The following TCTN3 variants were observed in gnomAD, a reference collection of about 807,000 sequenced individuals.
TCTN3 encodes the protein tectonic-3.
Under a neutral mutation model 71.3 loss-of-function variants are expected in TCTN3, and 57 were observed. The observed-to-expected ratio is 0.80, with a 90% CI of 0.65 to 1.00. The LOEUF (loss-of-function observed/expected upper bound fraction) is 1.00. Ranked by LOEUF, TCTN3 falls within the 50% of genes least tolerant of loss-of-function variation. The pLI is 0.00. For missense variants in TCTN3, 696 were observed against 719.9 expected (o/e 0.97, Z 0.38); for synonymous variants, 258 against 267.8 (o/e 0.96, Z 0.36).
intron 13 of TCTN3, among the ~76,000 whole-genome samples, chr10:95,670,536 A>T (rs1018633599): frequency 2.0e-5 from 3 of 147,228 alleles, no homozygotes; most frequent in South Asian, 4.3e-4. Context: ...TTTTTTGTAT[A>T]TTTTTTTTTT....
chr10:95,692,167 T>A (rs530678640), intron 3 of TCTN3, among the ~76,000 whole-genome samples: 5 of 152,264 alleles, frequency 3.3e-5, no homozygotes, highest in Admixed American at 2.6e-4. Flanking sequence ...ATGATTGAAA[T>A]TAAAGTTCTT....
chr10:95,688,407 A>G (rs868722293), intron 3 of TCTN3, among the ~76,000 whole-genome samples: 12 of 149,040 alleles, frequency 8.1e-5, no homozygotes, highest in Middle Eastern at 3.6e-3. Flanking sequence ...GAAAAAAAAA[A>G]AAAAAAAAAA....
At position 95,693,879 on chromosome 10, in the gene TCTN3, C is replaced by T. The variant is rs61737888; in HGVS notation, c.21G>A (p.Ala7=). 5.5e-4 allele frequency: 855 copies of T among 1,551,700 alleles called. 7 individuals are homozygous for T. In the African/African-American group the frequency reaches 8.6e-3, roughly 16 times the overall value. The change falls in exon 1 of 14, where the codon GCG becomes GCA. Residue 7 remains alanine, a synonymous_variant. Coordinates refer to ENST00000371217, the MANE Select transcript of TCTN3 (RefSeq NM_015631.6). ...ACACCAGAAAGAACACTTGCAGGAGCGCGAGCTGTGGGGTGCGCATGGGGC... is the reference window on the plus strand; with the variant it reads ...ACACCAGAAAGAACACTTGCAGGAGTGCGAGCTGTGGGGTGCGCATGGGGC... MRTPQL[A]LLQVFFLVFP...
At position 95,684,511 on chromosome 10, in the gene TCTN3, G is replaced by A. The variant is rs1265965786; in HGVS notation, c.1083C>T (p.Ile361=). 3 of 1,613,998 alleles carry A rather than the reference G, an allele frequency of 1.9e-6. No homozygotes were observed. Among genetic ancestry groups the A allele is most frequent in the Non-Finnish European group, 2.5e-6 (3 of 1,179,922 alleles). The change falls in exon 9 of 14, where the codon ATC becomes ATT. Residue 361 remains isoleucine, a synonymous_variant. Transcript: ENST00000371217. ...EPGASLQQHF[I]LRFRAFQQST... ...GAAGGGCCCTAACCCTGAAGCGAAGGATGAAGTGTTGCTGTAAGGAAGCGC... is the reference window on the plus strand; with the variant it reads ...GAAGGGCCCTAACCCTGAAGCGAAGAATGAAGTGTTGCTGTAAGGAAGCGC...
At position 95,673,546 on chromosome 10, in the gene TCTN3, A is replaced by G. The variant is rs79899937; in HGVS notation, c.1590+6926T>C. ...TCAGCAGCACCAATTGTTAAAAAAA[A>G]AGAAACTTTTTTTTTTTCAGGGCAG... On this transcript the variant is annotated intron_variant, in intron 13 of 13. Coordinates refer to ENST00000371217, the MANE Select transcript of TCTN3 (RefSeq NM_015631.6). 3.3e-3 allele frequency among the ~76,000 whole-genome samples: 503 copies of G among 152,296 alleles called. 2 individuals are homozygous for G. The highest frequency in any genetic ancestry group is 0.011 in the African/African-American group (476 of 41,562).
In TCTN3 at chr10:95,675,443, T is replaced by TA. The variant is rs969231977; in HGVS notation, c.1590+5028dup. Among the ~76,000 whole-genome samples, 17 of 152,012 alleles carry TA rather than the reference T, an allele frequency of 1.1e-4. No individual in the cohort carries two copies. In the East Asian group the frequency reaches 1.4e-3, roughly 12 times the overall value. ...TTAAGCAAACTTTGAAAAGTTCTTT[T>TA]AAAAAAAAGGTAATAAAATAATTAA... On this transcript the variant is annotated intron_variant, in intron 13 of 13. Coordinates refer to ENST00000371217, the MANE Select transcript of TCTN3 (RefSeq NM_015631.6).
At chr10:95,666,760 G>A (rs187689422) in intron 13 of TCTN3, among the ~76,000 whole-genome samples, 23 of 152,288 alleles carry the variant, frequency 1.5e-4, no homozygotes. Context: ...TTATTTCAGA[G>A]CTTTTAGGAG....
chr10:95,682,980 TA>T, intron 11 of TCTN3, 120 bp downstream of exon 11: 1 of 1,244,438 alleles, frequency 8.0e-7, no homozygotes, highest in Non-Finnish European at 1.1e-6. Flanking sequence ...CTATTTAGAC[TA>T]AAAGACTATT....
chr10:95,692,690 G>T (rs1254448980), intron 3 of TCTN3, among the ~76,000 whole-genome samples: 1 of 152,144 alleles, frequency 6.6e-6, no homozygotes, highest in African/African-American at 2.4e-5. Flanking sequence ...CCGGCCGCAT[G>T]CAGCCCAGGA....
Position 95,693,836 on chromosome 10 carries a change from G to GC in TCTN3, c.63dup (p.Pro22AlafsTer58). 1.9e-6 allele frequency: 3 copies of GC among 1,551,742 alleles called. No homozygotes were observed. The highest frequency in any genetic ancestry group is 2.6e-6 in the Non-Finnish European group (3 of 1,147,004). On this transcript the variant is annotated frameshift_variant, in exon 1 of 14. Coordinates refer to ENST00000371217, the MANE Select transcript of TCTN3 (RefSeq NM_015631.6). LOFTEE classifies it high-confidence loss of function. ...CCTGATGGGGAGGAAGAGGGCTGAG[G>GC]CCGGACGCCATCGGGGAACACCAGA...
At chr10:95,664,999 C>G (rs1031975508) in intron 13 of TCTN3, among the ~76,000 whole-genome samples, 3 of 152,186 alleles carry the variant, frequency 2.0e-5, no homozygotes, top group African/African-American at 7.2e-5. Context: ...TTCAATCACC[C>G]TCCTTCACTC....
At chr10:95,673,244 A>C (rs972623525) in intron 13 of TCTN3, among the ~76,000 whole-genome samples, 2 of 152,110 alleles carry the variant, frequency 1.3e-5, no homozygotes, top group Non-Finnish European at 2.9e-5. Flanking sequence ...TTTCTTGTCT[A>C]AGAAATCTTT....
At position 95,683,968 on chromosome 10, in the gene TCTN3, A is replaced by AT. The variant is rs397718872; in HGVS notation, c.1096-340_1096-339insA. Among the ~76,000 whole-genome samples, 984 of 151,764 alleles carry AT rather than the reference A, an allele frequency of 6.5e-3. 5 individuals are homozygous for AT. The highest frequency in any genetic ancestry group is 0.024 in the Middle Eastern group (7 of 294). On this transcript the variant is annotated intron_variant, in intron 9 of 13. Coordinates refer to ENST00000371217, the MANE Select transcript of TCTN3 (RefSeq NM_015631.6). ...CTGAAAAATTTAAATGTAATTAAAAAATATATATTTTAATTAACTACAGAT... is the reference window on the plus strand; with the variant it reads ...CTGAAAAATTTAAATGTAATTAAAAATATATATATTTTAATTAACTACAGAT...
intron 5 of TCTN3, 36 bp downstream of exon 5, chr10:95,687,211 T>C: frequency 6.2e-7 from 1 of 1,612,524 alleles, no homozygotes; most frequent in Non-Finnish European, 8.5e-7. Context: ...TGTTTTAAAT[T>C]GAATGAAAAG....
intron 13 of TCTN3, among the ~76,000 whole-genome samples, chr10:95,678,065 C>T (rs2097939180): frequency 6.6e-6 from 1 of 152,134 alleles, no homozygotes; most frequent in Non-Finnish European, 1.5e-5. Context: ...CCAACACAGC[C>T]TAGGTAAGAA....
At chr10:95,664,343 T>C in intron 13 of TCTN3, 43 bp from the exon 14 acceptor site, 7 of 1,516,226 alleles carry the variant, frequency 4.6e-6, no homozygotes, top group Non-Finnish European at 6.4e-6. Context: ...TTGGTACCCA[T>C]TCATATAGCA....
chr10:95,692,768 CT>C (rs200863032), intron 3 of TCTN3, 151 bp downstream of exon 3: 530 of 591,550 alleles, frequency 9.0e-4, no homozygotes, highest in Middle Eastern at 1.7e-3. Flanking sequence ...ATTTTTTTTG[CT>C]TTTTTTTTGT....
At chr10:95,671,635 T>C (rs1013869461) in intron 13 of TCTN3, among the ~76,000 whole-genome samples, 1 of 152,240 alleles carries the variant, frequency 6.6e-6, no homozygotes, top group African/African-American at 2.4e-5. Flanking sequence ...CTAGAACAAA[T>C]TCATCTTTGG....
At chr10:95,685,715 G>T in intron 7 of TCTN3, 79 bp from the exon 8 acceptor site, 1 of 1,170,454 alleles carries the variant, frequency 8.5e-7, no homozygotes, top group African/African-American at 1.6e-5. Context: ...ATCATGCTAA[G>T]ATGAGTATTT....
Sources: gnomAD v4.1 joint callset for allele counts (sites outside exome capture counted in the v4.1 genomes callset) on GRCh38, gnomAD v4.1.1 for gene constraint, MANE v1.5 for transcripts, NCBI Gene and HGNC (gene_info 2026-07-23, HGNC 2026-07-21) for gene names.